CIMIP3: variants seen among roughly 807,000 people sequenced by gnomAD.
CIMIP3 encodes the protein GUCA1A neighbor.
the CIMIP3 span, chr6:42,155,716 C>A: frequency 2.9e-6 from 2 of 694,914 alleles, no homozygotes; most frequent in Non-Finnish European, 5.4e-6. Context: ...ACAGGACACC[C>A]TCCATCTTGC....
chr6:42,157,846 G>GT, the CIMIP3 span, among the ~76,000 whole-genome samples: 1 of 152,192 alleles, frequency 6.6e-6, no homozygotes, highest in Non-Finnish European at 1.5e-5. Context: ...AATGAGGGAA[G>GT]CAGTAGGGGA....
chr6:42,163,242 G>A, the CIMIP3 span: 38 of 592,466 alleles, frequency 6.4e-5, no homozygotes, highest in East Asian at 7.9e-4. Flanking sequence ...GTCTTGTGGC[G>A]CTCCTAGGCC....
chr6:42,159,151 T>C, the CIMIP3 span, among the ~76,000 whole-genome samples: 7 of 152,220 alleles, frequency 4.6e-5, no homozygotes, highest in African/African-American at 1.4e-4. Flanking sequence ...TGATTGTCAC[T>C]GCCCTCAGGG....
the CIMIP3 span, chr6:42,155,596 A>G: frequency 2.8e-6 from 2 of 717,490 alleles, no homozygotes; most frequent in Middle Eastern, 2.3e-4. Flanking sequence ...GCTGGGAGGT[A>G]GGTCCTCTTA....
At chr6:42,162,330 G>A in the CIMIP3 span, among the ~76,000 whole-genome samples, 15 of 151,448 alleles carry the variant, frequency 9.9e-5, no homozygotes, top group Non-Finnish European at 1.0e-4. Context: ...CAGAAGAATC[G>A]CTTGAACCCA....
At chr6:42,162,098 T>C in the CIMIP3 span, among the ~76,000 whole-genome samples, 3 of 89,120 alleles carry the variant, frequency 3.4e-5, no homozygotes, top group East Asian at 6.7e-4. Flanking sequence ...TTCTTTTTTT[T>C]TTTTTTTTTT....
the CIMIP3 span, chr6:42,163,310 A>G: frequency 2.0e-6 from 1 of 492,488 alleles, no homozygotes; most frequent in Non-Finnish European, 3.7e-6. Flanking sequence ...CAGGTCCCCA[A>G]GGGGAAGGGC....
chr6:42,162,410 T>G, the CIMIP3 span, among the ~76,000 whole-genome samples: 1 of 11,236 alleles, frequency 8.9e-5, no homozygotes, highest in Non-Finnish European at 1.9e-4. Flanking sequence ...AGCGAAACTC[T>G]TTTTTTTTTT....
the CIMIP3 span, among the ~76,000 whole-genome samples, chr6:42,155,990 G>A: frequency 6.6e-6 from 1 of 152,028 alleles, no homozygotes; most frequent in African/African-American, 2.4e-5. Context: ...GTGAGTGAGA[G>A]GGCTGGAATT....
the CIMIP3 span, among the ~76,000 whole-genome samples, chr6:42,162,294 A>G: frequency 2.5e-4 from 38 of 149,372 alleles, no homozygotes; most frequent in East Asian, 6.5e-3. Context: ...GGTGCCTGTA[A>G]TCCCAGCTTA....
At chr6:42,156,445 TGCAG>T in the CIMIP3 span, among the ~76,000 whole-genome samples, 1 of 151,926 alleles carries the variant, frequency 6.6e-6, no homozygotes, top group Admixed American at 6.6e-5. Flanking sequence ...CACCGGGCCC[TGCAG>T]GGAACTGGAA....
chr6:42,155,621 G>T, the CIMIP3 span: 1 of 717,386 alleles, frequency 1.4e-6, no homozygotes, highest in South Asian at 1.5e-5. Context: ...AGGCTTAGTT[G>T]GGTGCTGGTG....
At chr6:42,155,417 A>G in the CIMIP3 span, 14 of 645,434 alleles carry the variant, frequency 2.2e-5, no homozygotes, top group Non-Finnish European at 4.0e-5. Flanking sequence ...GTATCCTGCC[A>G]AGAGTCCTCC....
the CIMIP3 span, chr6:42,163,009 G>A: frequency 1.4e-4 from 98 of 716,864 alleles, no homozygotes; most frequent in South Asian, 4.7e-4. Flanking sequence ...GGCCCCGGGC[G>A]TGGAAGCAGG....
At chr6:42,162,087 ATTCT>A in the CIMIP3 span, among the ~76,000 whole-genome samples, 4 of 111,782 alleles carry the variant, frequency 3.6e-5, no homozygotes, top group African/African-American at 1.3e-4. Context: ...TGGAAGCCAC[ATTCT>A]TTTTTTTTTT....
At chr6:42,160,503 T>G in the CIMIP3 span, among the ~76,000 whole-genome samples, 6 of 152,324 alleles carry the variant, frequency 3.9e-5, no homozygotes, top group African/African-American at 1.4e-4. Flanking sequence ...GTTTACAGCC[T>G]GTTGGGACTT....
the CIMIP3 span, chr6:42,155,741 C>T: frequency 1.5e-6 from 1 of 679,016 alleles, no homozygotes; most frequent in African/African-American, 1.8e-5. Context: ...TCTGCCCCTT[C>T]ACTGCTGTAA....
the CIMIP3 span, chr6:42,163,137 C>T: frequency 3.0e-6 from 2 of 673,312 alleles, no homozygotes; most frequent in South Asian, 1.6e-5. Flanking sequence ...TCCCTGAACC[C>T]CTTCTACACT....
the CIMIP3 span, among the ~76,000 whole-genome samples, chr6:42,155,879 C>T: frequency 6.6e-6 from 1 of 152,154 alleles, no homozygotes; most frequent in East Asian, 1.9e-4. Context: ...CTCATTAAGT[C>T]CTCACATGAA....
Sources: allele counts gnomAD v4.1 joint callset (sites outside exome capture counted in the v4.1 genomes callset), GRCh38; gene constraint gnomAD v4.1.1; transcripts MANE v1.5; gene names NCBI Gene and HGNC (gene_info 2026-07-23, HGNC 2026-07-21).